The following H2AZ2 variants were observed in gnomAD, a reference collection of about 807,000 sequenced individuals.
H2AZ2 encodes H2A.Z variant histone 2.
Under a neutral mutation model 15.5 loss-of-function variants are expected in H2AZ2, and 5 were observed. The observed-to-expected ratio is 0.32, with a 90% CI of 0.17 to 0.68. The LOEUF is 0.68. Among genes scored for constraint, H2AZ2 ranks in the 30% least tolerant of loss-of-function variants. The pLI is 0.72. For synonymous variants in H2AZ2, 44 were observed against 57.4 expected (o/e 0.77, Z 1.05); for missense variants, 42 against 162.5 (o/e 0.26, Z 4.03).
At position 44,834,323 on chromosome 7, in the gene H2AZ2, G is replaced by T. The variant is rs1793064698; in HGVS notation, c.*178C>A. The T allele has an allele frequency of 6.0e-6, 8 of 1,331,454 alleles. No homozygotes were observed. Among genetic ancestry groups the T allele is most frequent in the Admixed American group, 3.2e-5 (1 of 30,960 alleles). 82.5% of individuals were successfully genotyped at this position (1,331,454 alleles called of 1,614,324 possible). On this transcript the variant is annotated 3_prime_UTR_variant, in exon 5 of 5. Coordinates refer to ENST00000308153, the MANE Select transcript of H2AZ2 (RefSeq NM_012412.5). The stretch of plus-strand genomic sequence containing the variant: ...ACACACAACTGTCACCACATGAAAA[G>T]GTACTTTTATCAAACTTCGAGTCTA...
At chr7:44,836,851 C>G (rs1191231653) in intron 3 of H2AZ2, among the ~76,000 whole-genome samples, 1 of 149,896 alleles carries the variant, frequency 6.7e-6, no homozygotes, top group Non-Finnish European at 1.5e-5. Flanking sequence ...AAAAAATTAG[C>G]TGGGTGTGGT....
chr7:44,841,711 T>C (rs1003211061), intron 2 of H2AZ2, among the ~76,000 whole-genome samples: 1 of 152,116 alleles, frequency 6.6e-6, no homozygotes, highest in Non-Finnish European at 1.5e-5. Context: ...TTGAGTGATC[T>C]GTCCACCTTA....
At chr7:44,837,971 CTTTT>C (rs913213644) in intron 3 of H2AZ2, among the ~76,000 whole-genome samples, 9 of 150,508 alleles carry the variant, frequency 6.0e-5, no homozygotes, top group Admixed American at 1.3e-4. Context: ...GCTGAAATTT[CTTTT>C]TTTTTCTTTT....
chr7:44,838,453 T>C (rs1206070938), intron 3 of H2AZ2, among the ~76,000 whole-genome samples: 1 of 151,856 alleles, frequency 6.6e-6, no homozygotes, highest in African/African-American at 2.4e-5. Flanking sequence ...GAGTTCGAGA[T>C]CAGCCTGGCC....
At chr7:44,836,868 C>T (rs1365968924) in intron 3 of H2AZ2, among the ~76,000 whole-genome samples, 3 of 151,666 alleles carry the variant, frequency 2.0e-5, no homozygotes, top group African/African-American at 4.8e-5. Context: ...TGGTGGCAGG[C>T]ACCTGTAGTC....
downstream of H2AZ2, chr7:44,830,034 C>T (rs1468596513): frequency 3.1e-6 from 3 of 955,282 alleles, no homozygotes; most frequent in Middle Eastern, 2.2e-4. Flanking sequence ...TGTCCTTGTT[C>T]AGCACATTCG....
intron 2 of H2AZ2, among the ~76,000 whole-genome samples, chr7:44,842,922 C>T (rs1380253047): frequency 2.6e-5 from 4 of 151,840 alleles, no homozygotes; most frequent in Non-Finnish European, 5.9e-5. Flanking sequence ...AGGCAGATCA[C>T]GAGGTCAAGA....
At position 44,841,496 on chromosome 7, in the gene H2AZ2, A is replaced by T. The variant is rs527520031; in HGVS notation, c.82-484T>A. ...TCTCATTTCAAAGTATCCTGATCCC[A>T]CTTGTCTGTGCCCTTTATTATTTTT... On this transcript the variant is annotated intron_variant, in intron 2 of 4. Transcript: ENST00000308153. 2.0e-5 allele frequency among the ~76,000 whole-genome samples: 3 copies of T among 152,150 alleles called. No homozygotes were observed. The South Asian group carries it at 6.2e-4, about 32-fold the overall frequency.
In H2AZ2 at chr7:44,833,115, T is replaced by C. The variant is rs1391937205; in HGVS notation, c.*1386A>G. The stretch of plus-strand genomic sequence containing the variant: ...TAGGCTGGAGTGTAGTGGCGTGATC[T>C]TGGCTCACTGCAACCTCTGCCTCCT... On this transcript the variant is annotated 3_prime_UTR_variant, in exon 5 of 5. Coordinates refer to ENST00000308153, the MANE Select transcript of H2AZ2 (RefSeq NM_012412.5). Among the ~76,000 whole-genome samples the C allele has an allele frequency of 2.0e-5, 3 of 152,144 alleles. No homozygotes were observed. Among genetic ancestry groups the C allele is most frequent in the African/African-American group, 2.4e-5 (1 of 41,420 alleles).
At chr7:44,843,128 ACT>A (rs1793312802) in intron 2 of H2AZ2, 147 bp downstream of exon 2, 2 of 419,112 alleles carry the variant, frequency 4.8e-6, no homozygotes, top group Non-Finnish European at 7.7e-6. Context: ...ACAGAGTGAG[ACT>A]CTGTCTCAAA....
rs540809548 is a variant in H2AZ2 at position 44,844,163 on chromosome 7, C to T, written c.4-809G>A. On this transcript the variant is annotated intron_variant, in intron 1 of 4. Coordinates refer to ENST00000308153, the MANE Select transcript of H2AZ2 (RefSeq NM_012412.5). The stretch of plus-strand genomic sequence containing the variant: ...ATTCAAACAAATACATGTATACCCA[C>T]GTTCACAGAAGCATTATTCAGAATA... Among the ~76,000 whole-genome samples the T allele has an allele frequency of 2.6e-5, 4 of 152,132 alleles. 1 individual carries two copies. The South Asian group carries it at 6.2e-4, about 24-fold the overall frequency.
rs575508058 is a variant in H2AZ2 at position 44,834,244 on chromosome 7, T to C, written c.*257A>G. On this transcript the variant is annotated 3_prime_UTR_variant, in exon 5 of 5. Transcript: ENST00000308153. ...TGAGACAAATTAATTTTGTAAAAAA[T>C]GGTTTATCAATTCCATTTTTGTATA... The C allele has an allele frequency of 1.3e-5, 16 of 1,227,058 alleles. No homozygotes were observed. The South Asian group carries it at 4.1e-4, about 31-fold the overall frequency. The allele number at this position is 1,227,058 out of a possible 1,614,324, so 76.0% of individuals were successfully genotyped here. A position where few individuals can be genotyped will look rare whatever the true frequency, so the allele number is the denominator to read the frequency against.
chr7:44,833,755 G>A lies in H2AZ2; in HGVS notation c.*746C>T, dbSNP rs76364921. The A allele has an allele frequency of 3.4e-3, 3,131 of 916,798 alleles. 64 individuals carry two copies. In the African/African-American group the frequency reaches 0.053, roughly 15 times the overall value. 56.8% of individuals were successfully genotyped at this position (916,798 alleles called of 1,614,324 possible). On this transcript the variant is annotated 3_prime_UTR_variant, in exon 5 of 5. Coordinates refer to ENST00000308153, the MANE Select transcript of H2AZ2 (RefSeq NM_012412.5). ...CAGCCAGATCTAGGTTTGAATCCTAGCTCTGTCATTTTCTATCTACCAGTT... is the reference window on the plus strand; with the variant it reads ...CAGCCAGATCTAGGTTTGAATCCTAACTCTGTCATTTTCTATCTACCAGTT...
intron 1 of H2AZ2, among the ~76,000 whole-genome samples, chr7:44,846,062 C>CAGAGAGAGAGAGAG (rs1554336348): frequency 9.3e-5 from 7 of 75,150 alleles, no homozygotes; most frequent in Admixed American, 4.2e-4. Flanking sequence ...CACACACACA[C>CAGAGAGAGAGAGAG]AGAGAGAGAC....
rs991525583 is a variant in H2AZ2 at position 44,832,489 on chromosome 7, TTC to T, written c.*2010_*2011del. Among the ~76,000 whole-genome samples the T allele has an allele frequency of 1.1e-3, 169 of 152,334 alleles. 1 individual carries two copies. The highest frequency in any genetic ancestry group is 3.7e-3 in the African/African-American group (155 of 41,578). On this transcript the variant is annotated 3_prime_UTR_variant, in exon 5 of 5. Coordinates refer to ENST00000308153, the MANE Select transcript of H2AZ2 (RefSeq NM_012412.5). The stretch of plus-strand genomic sequence containing the variant: ...GGGTACACAGAGCTTCATTCTGCTA[TTC>T]TTTTTGTGCATTTGTGAAAATTTCC...
At chr7:44,846,024 T>TACACACACACACACACACACAC (rs10573522) in intron 1 of H2AZ2, among the ~76,000 whole-genome samples, 6 of 132,750 alleles carry the variant, frequency 4.5e-5, no homozygotes, top group Non-Finnish European at 9.7e-5. Flanking sequence ...TTTAAAAAAT[T>TACACACACACACACACACACAC]ACACACACAC....
chr7:44,847,670 G>T (rs1793446063), intron 1 of H2AZ2, among the ~76,000 whole-genome samples: 1 of 152,154 alleles, frequency 6.6e-6, no homozygotes, highest in Admixed American at 6.5e-5. Flanking sequence ...TTTCCAAGCC[G>T]GATTCTGCCG....
In H2AZ2 at chr7:44,844,431, G is replaced by C. The variant is rs184893603; in HGVS notation, c.4-1077C>G. Among the ~76,000 whole-genome samples the C allele has an allele frequency of 4.8e-3, 729 of 152,284 alleles. 5 individuals carry two copies. Among genetic ancestry groups the C allele is most frequent in the Middle Eastern group, 0.024 (7 of 294 alleles). ...TCAGAAAGCAGATTTGTGGTTGCCA[G>C]GGGTAGCTGCCTCCTGGGTTCAAGT... On this transcript the variant is annotated intron_variant, in intron 1 of 4. Coordinates refer to ENST00000308153, the MANE Select transcript of H2AZ2 (RefSeq NM_012412.5).
rs1793049334 is a variant in H2AZ2 at position 44,833,732 on chromosome 7, G to C, written c.*769C>G. On this transcript the variant is annotated 3_prime_UTR_variant, in exon 5 of 5. Transcript: ENST00000308153. Reference sequence around the variant, plus strand: ...CAGGTAAAACTAGGCTCTGGAGTCAGCCAGATCTAGGTTTGAATCCTAGCT... The same window carrying C: ...CAGGTAAAACTAGGCTCTGGAGTCACCCAGATCTAGGTTTGAATCCTAGCT... 1 of 976,644 alleles carries C rather than the reference G, an allele frequency of 1.0e-6. No individual in the cohort carries two copies. The highest frequency in any genetic ancestry group is 4.7e-5 in the South Asian group (1 of 21,110). 60.5% of individuals were successfully genotyped at this position (976,644 alleles called of 1,614,324 possible).
Sources: allele counts gnomAD v4.1 joint callset (sites outside exome capture counted in the v4.1 genomes callset), GRCh38; gene constraint gnomAD v4.1.1; transcripts MANE v1.5; gene names NCBI Gene and HGNC (gene_info 2026-07-23, HGNC 2026-07-21).